ARID4B: variants seen among roughly 807,000 people sequenced by gnomAD.
ARID4B encodes the protein AT-rich interactive domain-containing protein 4B.
In ARID4B, 26 loss-of-function variants were observed where a neutral mutation model predicts 147.5. The observed-to-expected ratio is 0.18, with a 90% CI of 0.13 to 0.24. The LOEUF (loss-of-function observed/expected upper bound fraction) is 0.24, where lower values mean the gene tolerates loss of function less well. Among genes scored for constraint, ARID4B ranks in the 10% least tolerant of loss-of-function variants. ARID4B has a pLI of 1.00. For synonymous variants in ARID4B, 512 were observed against 507.9 expected (o/e 1.01, Z -0.11); for missense variants, 1,179 against 1,511.5 (o/e 0.78, Z 3.65).
chr1:235,295,826 A>T (rs1157957654), intron 2 of ARID4B: 1 of 152,186 alleles, frequency 6.6e-6, no homozygotes, highest in Non-Finnish European at 1.5e-5. Flanking sequence ...AAAAAAAGAC[A>T]CAACTATAAA....
intron 17 of ARID4B, among the ~76,000 whole-genome samples, chr1:235,209,568 G>GTTT (rs565800900): frequency 2.1e-5 from 3 of 144,814 alleles, no homozygotes; most frequent in African/African-American, 7.6e-5. Flanking sequence ...TTTTTGTTTT[G>GTTT]TTTTTTTTTT....
At chr1:235,317,019 A>C (rs963136232) in intron 2 of ARID4B, among the ~76,000 whole-genome samples, 1 of 152,240 alleles carries the variant, frequency 6.6e-6, no homozygotes, top group African/African-American at 2.4e-5. Flanking sequence ...AATCTGAAAA[A>C]ATCCCAAATA....
At chr1:235,192,676 G>A (rs539163450) in intron 19 of ARID4B, among the ~76,000 whole-genome samples, 7 of 152,040 alleles carry the variant, frequency 4.6e-5, no homozygotes, top group Admixed American at 2.0e-4. Context: ...TTTTTATGGA[G>A]ATCCATTCTT....
rs1045040506 is a variant in ARID4B, at chr1:235,195,899, T to C, written c.1926+132A>G. The C allele has an allele frequency of 9.7e-6, 6 of 617,988 alleles. No homozygotes were observed. The African/African-American group carries it at 1.2e-4, about 12-fold the overall frequency. The allele number at this position is 617,988 out of a possible 1,614,324, so 38.3% of individuals were successfully genotyped here. On this transcript the variant is annotated intron_variant, in intron 18 of 23. Coordinates refer to ENST00000264183, the MANE Select transcript of ARID4B (RefSeq NM_016374.6). ...GCTTTCCCTAACCTGACAAAATTAA[T>C]TATATACAAATCTAGCATTTGAAAA... is the stretch of plus-strand genomic sequence containing the variant.
intron 17 of ARID4B, among the ~76,000 whole-genome samples, chr1:235,200,220 C>T (rs1057054043): frequency 2.0e-5 from 3 of 151,184 alleles, no homozygotes; most frequent in East Asian, 1.9e-4. Flanking sequence ...TTTGGGAGGC[C>T]GAGGCAGAGG....
intron 4 of ARID4B, among the ~76,000 whole-genome samples, chr1:235,256,564 G>A (rs1206980166): frequency 1.3e-5 from 2 of 152,192 alleles, no homozygotes; most frequent in Non-Finnish European, 2.9e-5. Flanking sequence ...TGCCAATGAG[G>A]AAAAATGAAT....
At chr1:235,300,068 T>C (rs1191591770) in intron 2 of ARID4B, among the ~76,000 whole-genome samples, 2 of 152,100 alleles carry the variant, frequency 1.3e-5, no homozygotes, top group East Asian at 3.9e-4. Flanking sequence ...GAGAGGTACT[T>C]CCATTTGCTT....
chr1:235,323,493 A>G (rs1674992549), intron 2 of ARID4B, among the ~76,000 whole-genome samples: 2 of 152,186 alleles, frequency 1.3e-5, no homozygotes, highest in South Asian at 4.1e-4. Flanking sequence ...GTTTAAAAAA[A>G]GTAAAAATCG....
intron 17 of ARID4B, among the ~76,000 whole-genome samples, chr1:235,203,036 A>G (rs560077044): frequency 6.6e-6 from 1 of 152,342 alleles, no homozygotes; most frequent in South Asian, 2.1e-4. Context: ...AGAAGACAAT[A>G]CTAAACAGTA....
chr1:235,195,245 T>C (rs1025672472), intron 18 of ARID4B, among the ~76,000 whole-genome samples: 1 of 152,146 alleles, frequency 6.6e-6, no homozygotes, highest in Admixed American at 6.5e-5. Flanking sequence ...AAAAGTAACA[T>C]TAATTTTCCA....
At chr1:235,296,525 G>A (rs1672721012) in intron 2 of ARID4B, among the ~76,000 whole-genome samples, 1 of 151,814 alleles carries the variant, frequency 6.6e-6, no homozygotes, top group Non-Finnish European at 1.5e-5. Flanking sequence ...AGGCTAGGGT[G>A]CAGTGGCACA....
At chr1:235,254,297 T>C (rs1669816659) in intron 5 of ARID4B, among the ~76,000 whole-genome samples, 1 of 152,110 alleles carries the variant, frequency 6.6e-6, no homozygotes, top group Admixed American at 6.5e-5. Flanking sequence ...GACATTTTAC[T>C]AGGTGTTTAC....
intron 17 of ARID4B, among the ~76,000 whole-genome samples, chr1:235,212,558 T>A (rs1274325504): frequency 1.3e-5 from 2 of 152,210 alleles, no homozygotes; most frequent in East Asian, 3.8e-4. Context: ...GTAATCAGAT[T>A]AGATCATGAG....
intron 2 of ARID4B, among the ~76,000 whole-genome samples, chr1:235,294,152 C>T (rs1481137344): frequency 6.6e-6 from 1 of 151,852 alleles, no homozygotes; most frequent in East Asian, 1.9e-4. Flanking sequence ...CATCTAGTAC[C>T]ACCTGGCCAC....
Position 235,325,399 on chromosome 1 carries a change from AC to A in ARID4B, c.6+1514del, listed in dbSNP as rs1224251636. On this transcript the variant is annotated intron_variant, in intron 2 of 23. Transcript: ENST00000264183. ...AAAGGAAACGAAAGGAAGAAAAAAA[AC>A]ATTTTAATCTCAGACTTTCAACTTA... is the stretch of plus-strand genomic sequence containing the variant. 3.3e-5 allele frequency among the ~76,000 whole-genome samples: 5 copies of A among 152,114 alleles called. No individual in the cohort carries two copies. In the East Asian group the frequency reaches 5.8e-4, roughly 18 times the overall value.
At chr1:235,277,412 G>T (rs953477874) in intron 2 of ARID4B, among the ~76,000 whole-genome samples, 7 of 151,808 alleles carry the variant, frequency 4.6e-5, no homozygotes, top group Non-Finnish European at 1.5e-5. Context: ...GGTGGCGCAC[G>T]CCTGTAATCC....
chr1:235,319,510 C>CA (rs908404872), intron 2 of ARID4B, among the ~76,000 whole-genome samples: 2 of 151,302 alleles, frequency 1.3e-5, no homozygotes, highest in South Asian at 2.1e-4. Flanking sequence ...GGCCATGTCT[C>CA]AAAAAAAATA....
intron 22 of ARID4B, among the ~76,000 whole-genome samples, chr1:235,173,771 AATATATATATAT>A (rs1169414831): frequency 0.013 from 409 of 32,250 alleles, 3 homozygotes; most frequent in African/African-American, 0.037. Context: ...AAAAAAAAAA[AATATATATATAT>A]ATATATATAT....
At chr1:235,277,531 C>G (rs1273987326) in intron 2 of ARID4B, among the ~76,000 whole-genome samples, 4 of 116,646 alleles carry the variant, frequency 3.4e-5, no homozygotes, top group Non-Finnish European at 7.2e-5. Flanking sequence ...AGCGAGACTC[C>G]GTCTCAAAAA....
Sources: allele counts gnomAD v4.1 joint callset (sites outside exome capture counted in the v4.1 genomes callset), GRCh38; gene constraint gnomAD v4.1.1; transcripts MANE v1.5; gene names NCBI Gene and HGNC (gene_info 2026-07-23, HGNC 2026-07-21).